RSRC1: variants seen among roughly 807,000 people sequenced by gnomAD.
RSRC1 encodes the protein serine/Arginine-related protein 53.
Under a neutral mutation model 49.1 loss-of-function variants are expected in RSRC1, and 39 were observed. The observed-to-expected ratio is 0.79, with a 90% CI of 0.61 to 1.04. The LOEUF (loss-of-function observed/expected upper bound fraction) is 1.04. RSRC1 is among the 50% of genes least tolerant of loss of function. RSRC1 has a pLI of 0.00. For synonymous variants in RSRC1, 143 were observed against 130.8 expected (o/e 1.09, Z -0.63); for missense variants, 388 against 402.4 (o/e 0.96, Z 0.31).
chr3:158,122,494 A>G (rs938222155), intron 2 of RSRC1, among the ~76,000 whole-genome samples, 196 bp downstream of exon 2: 3 of 152,024 alleles, frequency 2.0e-5, no homozygotes, highest in African/African-American at 7.2e-5. Context: ...GTCTGTTCTT[A>G]GTAGGCAAAT....
intron 3 of RSRC1, among the ~76,000 whole-genome samples, chr3:158,181,604 T>C (rs1719628379): frequency 6.6e-6 from 1 of 152,288 alleles, no homozygotes; most frequent in East Asian, 1.9e-4. Context: ...GTTTGAGAAA[T>C]ACAAAGCAAT....
chr3:158,152,662 G>A (rs7645475), intron 3 of RSRC1, among the ~76,000 whole-genome samples: 95,891 of 152,064 alleles, frequency 0.63, 30,862 homozygotes, highest in African/African-American at 0.73. Context: ...TCCAGTTCGT[G>A]TCTGTTGCCT....
chr3:158,343,074 A>C (rs1325382804), intron 5 of RSRC1, among the ~76,000 whole-genome samples: 1 of 152,204 alleles, frequency 6.6e-6, no homozygotes, highest in Non-Finnish European at 1.5e-5. Flanking sequence ...TATTTAGCAG[A>C]CTACTAATCA....
At chr3:158,221,900 A>G (rs1016729246) in intron 4 of RSRC1, among the ~76,000 whole-genome samples, 2 of 151,612 alleles carry the variant, frequency 1.3e-5, no homozygotes, top group Admixed American at 1.3e-4. Context: ...GATTCGTATA[A>G]TGAAGCTGAT....
chr3:158,205,408 C>T (rs1035707452), intron 4 of RSRC1, among the ~76,000 whole-genome samples: 11 of 152,028 alleles, frequency 7.2e-5, no homozygotes, highest in Non-Finnish European at 1.6e-4. Flanking sequence ...ATCAAATATG[C>T]ACATTCATTC....
chr3:158,256,887 G>GT (rs201137155), intron 4 of RSRC1, among the ~76,000 whole-genome samples: 2,416 of 152,214 alleles, frequency 0.016, 84 homozygotes, highest in African/African-American at 0.055. Flanking sequence ...TCTGATGGTA[G>GT]TTTGTACTTC....
intron 4 of RSRC1, among the ~76,000 whole-genome samples, chr3:158,209,684 A>T (rs1405013129): frequency 6.6e-6 from 1 of 152,198 alleles, no homozygotes; most frequent in East Asian, 1.9e-4. Context: ...GACTTTTGGG[A>T]TATTTTACTG....
chr3:158,252,262 C>G (rs550142455), intron 4 of RSRC1, among the ~76,000 whole-genome samples: 2 of 151,656 alleles, frequency 1.3e-5, no homozygotes, highest in Non-Finnish European at 2.9e-5. Flanking sequence ...CCCGGGTTCA[C>G]GCCATTCTCC....
intron 5 of RSRC1, among the ~76,000 whole-genome samples, chr3:158,333,240 G>A (rs1292663108): frequency 1.3e-5 from 2 of 151,914 alleles, no homozygotes; most frequent in Non-Finnish European, 2.9e-5. Context: ...ACGCTTTTTT[G>A]TTTTTAGAAA....
chr3:158,514,174 C>G (rs933682203), intron 7 of RSRC1, among the ~76,000 whole-genome samples: 33 of 151,976 alleles, frequency 2.2e-4, no homozygotes, highest in Non-Finnish European at 3.8e-4. Context: ...GAATGTGTTT[C>G]CTCTTGCTTT....
At chr3:158,277,314 C>T (rs1204957) in intron 4 of RSRC1, among the ~76,000 whole-genome samples, 105,128 of 152,036 alleles carry the variant, frequency 0.69, 36,768 homozygotes, top group East Asian at 0.84. Context: ...AAACATTTCA[C>T]CTTTGAAAAT....
At chr3:158,173,613 C>G (rs953442938) in intron 3 of RSRC1, among the ~76,000 whole-genome samples, 1 of 151,796 alleles carries the variant, frequency 6.6e-6, no homozygotes, top group Non-Finnish European at 1.5e-5. Flanking sequence ...AGCCATCTAC[C>G]CAAGAGAAAT....
chr3:158,512,196 A>T (rs1049123821), intron 7 of RSRC1, among the ~76,000 whole-genome samples: 32 of 147,580 alleles, frequency 2.2e-4, no homozygotes, highest in Non-Finnish European at 4.3e-4. Flanking sequence ...GCCCATGCCT[A>T]TGTCCTGAAT....
At chr3:158,165,505 G>A (rs1490362806) in intron 3 of RSRC1, among the ~76,000 whole-genome samples, 1 of 152,192 alleles carries the variant, frequency 6.6e-6, no homozygotes, top group East Asian at 1.9e-4. Context: ...TATCCTTGGG[G>A]CCATGTGATA....
intron 7 of RSRC1, among the ~76,000 whole-genome samples, chr3:158,503,303 A>G (rs151329961): frequency 1.6e-3 from 242 of 152,076 alleles, no homozygotes; most frequent in African/African-American, 5.4e-3. Context: ...GGGGAGTGCA[A>G]TGGACTCCGT....
intron 7 of RSRC1, among the ~76,000 whole-genome samples, chr3:158,477,864 G>A (rs933029207): frequency 3.5e-5 from 5 of 140,898 alleles, no homozygotes; most frequent in African/African-American, 8.2e-5. Context: ...GAGCAAAGTC[G>A]AAGTAAGAAT....
chr3:158,234,652 T>C (rs190237563), intron 4 of RSRC1, among the ~76,000 whole-genome samples: 1 of 152,272 alleles, frequency 6.6e-6, no homozygotes, highest in East Asian at 1.9e-4. Flanking sequence ...TTGTCTCTTC[T>C]GTCTTTCTGT....
intron 6 of RSRC1, among the ~76,000 whole-genome samples, chr3:158,447,877 A>G (rs141459813): frequency 2.4e-3 from 367 of 152,058 alleles, no homozygotes; most frequent in Non-Finnish European, 4.5e-3. Flanking sequence ...TCTGAGGTAT[A>G]TAATTAATTA....
At chr3:158,247,855 A>G (rs535371083) in intron 4 of RSRC1, among the ~76,000 whole-genome samples, 13 of 152,114 alleles carry the variant, frequency 8.5e-5, no homozygotes, top group South Asian at 2.1e-4. Context: ...CCTTAGCTCT[A>G]TGTCACTCTC....
Sources: gnomAD v4.1 joint callset for allele counts (sites outside exome capture counted in the v4.1 genomes callset) on GRCh38, gnomAD v4.1.1 for gene constraint, MANE v1.5 for transcripts, NCBI Gene and HGNC (gene_info 2026-07-23, HGNC 2026-07-21) for gene names.